CFAP20DC: variants seen among roughly 807,000 people sequenced by gnomAD.
CFAP20DC encodes protein CFAP20DC.
Under a neutral mutation model 101.7 loss-of-function variants are expected in CFAP20DC, and 84 were observed. That is an observed-to-expected ratio of 0.83 (90% CI 0.69 to 0.99). The LOEUF (loss-of-function observed/expected upper bound fraction) is 0.99. Ranked by LOEUF, CFAP20DC falls within the 50% of genes least tolerant of loss-of-function variation. CFAP20DC has a pLI of 0.00. For missense variants in CFAP20DC, 1,007 were observed against 970.3 expected, an observed-to-expected ratio of 1.04 and a Z score of -0.50; for synonymous variants, 359 against 351.2, an observed-to-expected ratio of 1.02 and a Z score of -0.25.
intron 14 of CFAP20DC, among the ~76,000 whole-genome samples, chr3:58,817,070 G>A (rs571580213): frequency 1.3e-5 from 2 of 152,168 alleles, no homozygotes; most frequent in South Asian, 2.1e-4. Flanking sequence ...CAGACCTGCA[G>A]CTGAGGGTCT....
chr3:58,748,221 C>T (rs985731702), intron 16 of CFAP20DC, among the ~76,000 whole-genome samples: 2 of 152,110 alleles, frequency 1.3e-5, no homozygotes, highest in Non-Finnish European at 2.9e-5. Context: ...GGCACCTCTC[C>T]AAGGTACTGA....
rs892157949 is a variant in CFAP20DC at position 59,030,968 on chromosome 3, C to T, written c.278+8589G>A. Among the ~76,000 whole-genome samples, 15 of 152,174 alleles carry T rather than the reference C, an allele frequency of 9.9e-5. No homozygotes were observed. The East Asian group carries it at 1.6e-3, about 16-fold the overall frequency. On this transcript the variant is annotated intron_variant, in intron 4 of 16. Transcript: ENST00000482387. Reference sequence around the variant, plus strand: ...CCTCCCGAGTAGCTGGGACTACAGGCGCCCGCCACCACTCCCGGCTAATTT... The same window carrying T: ...CCTCCCGAGTAGCTGGGACTACAGGTGCCCGCCACCACTCCCGGCTAATTT...
intron 15 of CFAP20DC, 109 bp downstream of exon 15, chr3:58,806,286 G>A: frequency 2.7e-6 from 2 of 742,612 alleles, no homozygotes; most frequent in East Asian, 2.7e-5. Flanking sequence ...AAGAACATAA[G>A]TTTGGAAGCT....
chr3:58,908,378 A>G (rs2083812590), intron 6 of CFAP20DC, among the ~76,000 whole-genome samples: 1 of 152,146 alleles, frequency 6.6e-6, no homozygotes, highest in South Asian at 2.1e-4. Context: ...TCATCCTTCT[A>G]ATATGATTTT....
At chr3:58,810,504 C>A (rs947842371) in intron 14 of CFAP20DC, among the ~76,000 whole-genome samples, 2 of 152,058 alleles carry the variant, frequency 1.3e-5, no homozygotes, top group Admixed American at 6.5e-5. Flanking sequence ...AATTCAACAA[C>A]CCTCCATGCT....
chr3:58,747,326 T>G (rs1046176447), intron 16 of CFAP20DC, among the ~76,000 whole-genome samples: 1 of 152,216 alleles, frequency 6.6e-6, no homozygotes, highest in Admixed American at 6.5e-5. Context: ...GCTGCCCTTC[T>G]CTGGGTAGAT....
rs2093678976 is a variant in CFAP20DC, at chr3:59,015,917, G to C, written c.278+23640C>G. Among the ~76,000 whole-genome samples the C allele has an allele frequency of 6.6e-6, 1 of 152,060 alleles. No individual in the cohort carries two copies. The highest frequency in any genetic ancestry group is 6.6e-5 in the Admixed American group (1 of 15,264). On this transcript the variant is annotated intron_variant, in intron 4 of 16. Transcript: ENST00000482387. The surrounding 1 kb of genome is among the most constrained non-coding windows in gnomAD (Gnocchi z 5.4). ...TGAAGCAATGGGCGAGGAACATATG[G>C]CCACATTTCCATATCTAAGCAGTAC...
intron 4 of CFAP20DC, chr3:59,018,509 C>A (rs1559999554): frequency 1.3e-5 from 2 of 152,056 alleles, no homozygotes; most frequent in African/African-American, 2.4e-5. Context: ...ATAAACTGCA[C>A]TGAGAAGGAC....
At chr3:58,893,200 C>A (rs555637227) in intron 6 of CFAP20DC, among the ~76,000 whole-genome samples, 3 of 152,040 alleles carry the variant, frequency 2.0e-5, no homozygotes, top group East Asian at 1.9e-4. Context: ...CCTGCCACTA[C>A]GCCCAGCTAA....
chr3:58,806,063 G>C (rs757391652), intron 15 of CFAP20DC, among the ~76,000 whole-genome samples: 1 of 152,180 alleles, frequency 6.6e-6, no homozygotes, highest in Non-Finnish European at 1.5e-5. Flanking sequence ...TTAACACTTA[G>C]TGAGAACTTG....
At chr3:58,773,333 T>G (rs2071025958) in intron 15 of CFAP20DC, among the ~76,000 whole-genome samples, 1 of 151,110 alleles carries the variant, frequency 6.6e-6, no homozygotes, top group Non-Finnish European at 1.5e-5. Context: ...GGGGGATCAC[T>G]TATGCCCCGG....
chr3:58,730,342 G>A (rs913043360), intron 3 of CFAP20DC, among the ~76,000 whole-genome samples: 23 of 152,080 alleles, frequency 1.5e-4, no homozygotes, highest in Admixed American at 1.2e-3. Context: ...ATTGTACTTC[G>A]TAAATATGTA....
At chr3:58,936,280 G>C (rs927394632) in intron 5 of CFAP20DC, among the ~76,000 whole-genome samples, 1 of 152,152 alleles carries the variant, frequency 6.6e-6, no homozygotes, top group African/African-American at 2.4e-5. Flanking sequence ...AACAACAGGT[G>C]CTGGAGAGGA....
At chr3:58,761,857 T>G (rs953504252) in intron 15 of CFAP20DC, among the ~76,000 whole-genome samples, 2 of 152,204 alleles carry the variant, frequency 1.3e-5, no homozygotes, top group African/African-American at 4.8e-5. Flanking sequence ...TTGAGTGAGT[T>G]TCTTAATCCT....
intron 15 of CFAP20DC, among the ~76,000 whole-genome samples, chr3:58,756,907 T>A (rs1178308721): frequency 1.3e-5 from 2 of 152,144 alleles, no homozygotes; most frequent in African/African-American, 4.8e-5. Context: ...ATCCTTTTTT[T>A]ACAGCAGCAT....
chr3:58,928,113 T>C (rs890468635), intron 5 of CFAP20DC, among the ~76,000 whole-genome samples: 53 of 152,202 alleles, frequency 3.5e-4, no homozygotes, highest in African/African-American at 1.3e-3. Flanking sequence ...TCAATAAACA[T>C]TTATTGATCA....
chr3:58,737,247 A>C (rs1442125118), downstream of CFAP20DC: 2 of 456,538 alleles, frequency 4.4e-6, no homozygotes, highest in East Asian at 1.4e-4. This position sits in a 1 kb window ranked among gnomAD's most constrained non-coding sequence, Gnocchi z 4.1. Flanking sequence ...AAAAACAAAA[A>C]GCAAAGAAAC....
chr3:58,841,172 C>T lies in CFAP20DC; in HGVS notation c.1971+7860G>A, dbSNP rs114272161. 2.3e-3 allele frequency among the ~76,000 whole-genome samples: 357 copies of T among 152,344 alleles called. 1 individual carries two copies. Among genetic ancestry groups the T allele is most frequent in the African/African-American group, 7.9e-3 (327 of 41,582 alleles). On this transcript the variant is annotated intron_variant, in intron 13 of 16. Transcript: ENST00000482387. ...GCCAGGGCAATGAACATATGTCTAA[C>T]ACACAGGGTGACCTGACTCTCAAAC...
rs78051840 is a variant in CFAP20DC, at chr3:58,775,809, G to C, written c.2238-21946C>G. ...TGCCCAGGCTGGAGTGCAGTGGCGT[G>C]ATCTCGTCTCACCACAACCTCCACC... On this transcript the variant is annotated intron_variant, in intron 15 of 16. Coordinates refer to ENST00000482387, the MANE Select transcript of CFAP20DC (RefSeq NM_001394063.1). Among the ~76,000 whole-genome samples, 662 of 147,860 alleles carry C rather than the reference G, an allele frequency of 4.5e-3. 4 individuals carry two copies. Among genetic ancestry groups the C allele is most frequent in the African/African-American group, 0.016 (625 of 39,796 alleles).
Sources: gnomAD v4.1 joint callset for allele counts (sites outside exome capture counted in the v4.1 genomes callset) on GRCh38, gnomAD v4.1.1 for gene constraint, Gnocchi (gnomAD v3.1) non-coding constraint, MANE v1.5 for transcripts, NCBI Gene and HGNC (gene_info 2026-07-23, HGNC 2026-07-21) for gene names.